Variants in LRIF1 observed in about 807,000 individuals in gnomAD.
LRIF1 encodes the protein ligand dependent nuclear receptor interacting factor 1, also known as ligand-dependent nuclear receptor-interacting factor 1.
LRIF1 carries 32 observed loss-of-function variants against 52.7 expected under a neutral mutation model. The observed-to-expected ratio is 0.61, with a 90% CI of 0.46 to 0.82. The LOEUF (loss-of-function observed/expected upper bound fraction) is 0.82, where lower values mean the gene tolerates loss of function less well. LRIF1 is among the 40% of genes least tolerant of loss of function. LRIF1 has a pLI of 0.00. For missense variants in LRIF1, 887 were observed against 892.0 expected, an observed-to-expected ratio of 0.99 and a Z score of 0.07; for synonymous variants, 323 against 317.4, an observed-to-expected ratio of 1.02 and a Z score of -0.19.
Position 110,963,887 on chromosome 1 carries a change from C to G in LRIF1, c.-199G>C, listed in dbSNP as rs950618516. 39 of 443,352 alleles carry G rather than the reference C, an allele frequency of 8.8e-5. No homozygotes were observed. Among genetic ancestry groups the G allele is most frequent in the East Asian group, 4.5e-4 (13 of 28,884 alleles). 27.5% of individuals were successfully genotyped at this position (443,352 alleles called of 1,614,324 possible). ...CAGGCTTCGGGACGAGGTCGCGCAC[C>G]GCGCAGAAACCGGAAGGCTCCTGGC... On this transcript the variant is annotated 5_prime_UTR_variant, in exon 1 of 4. Transcript: ENST00000369763.
the LRIF1 span, among the ~76,000 whole-genome samples, chr1:110,927,593 G>C: frequency 6.6e-6 from 1 of 152,098 alleles, no homozygotes; most frequent in Non-Finnish European, 1.5e-5. Context: ...AGATCCAGGG[G>C]ATGATGGAGT....
At chr1:110,947,176 CCAGA>C (rs946051072), downstream of LRIF1, 1 of 152,054 alleles carries the variant, frequency 6.6e-6, no homozygotes, top group Non-Finnish European at 1.5e-5. Flanking sequence ...CAAAGATTAA[CCAGA>C]CAGAGAAAAT....
chr1:110,923,651 G>A, the LRIF1 span, among the ~76,000 whole-genome samples: 1 of 152,116 alleles, frequency 6.6e-6, no homozygotes, highest in Non-Finnish European at 1.5e-5. Context: ...ATTAGAAAAT[G>A]TTTAAACTAA....
the LRIF1 span, among the ~76,000 whole-genome samples, chr1:110,900,812 T>C: frequency 4.7e-5 from 7 of 148,134 alleles, no homozygotes; most frequent in Admixed American, 3.4e-4. Context: ...CTGTAGCACA[T>C]AGAGATCACT....
chr1:110,888,881 AGG>A, the LRIF1 span, among the ~76,000 whole-genome samples: 2 of 152,176 alleles, frequency 1.3e-5, no homozygotes, highest in South Asian at 4.1e-4. Flanking sequence ...TAGCTGCTCA[AGG>A]GGACTACATT....
At chr1:110,901,632 A>C in the LRIF1 span, among the ~76,000 whole-genome samples, 380 of 151,822 alleles carry the variant, frequency 2.5e-3, 1 homozygote, top group African/African-American at 8.8e-3. Flanking sequence ...CACACCACCA[A>C]GCCTGGCTAA....
At chr1:110,897,935 T>A in the LRIF1 span, 1 of 1,107,512 alleles carries the variant, frequency 9.0e-7, no homozygotes, top group South Asian at 1.3e-5. Flanking sequence ...TTACATGAGT[T>A]AAGTCAGGTA....
chr1:110,894,553 G>GA, the LRIF1 span: 3 of 601,452 alleles, frequency 5.0e-6, no homozygotes, highest in Non-Finnish European at 5.8e-6. Context: ...GTAATTGGGG[G>GA]GAAAATTTGT....
intron 2 of LRIF1, among the ~76,000 whole-genome samples, chr1:110,950,649 G>A (rs1658431311): frequency 6.6e-6 from 1 of 151,872 alleles, no homozygotes; most frequent in Non-Finnish European, 1.5e-5. Flanking sequence ...CGAACATAAA[G>A]GTAACTATGT....
the LRIF1 span, among the ~76,000 whole-genome samples, chr1:110,908,549 A>C: frequency 2.0e-5 from 3 of 152,250 alleles, no homozygotes; most frequent in Admixed American, 6.5e-5. Context: ...AGAGAGAACC[A>C]AACTGAACTT....
At chr1:110,876,557 T>A in the LRIF1 span, among the ~76,000 whole-genome samples, 1 of 152,166 alleles carries the variant, frequency 6.6e-6, no homozygotes, top group African/African-American at 2.4e-5. Flanking sequence ...TAATGCCTCA[T>A]ATCTTTTAAA....
the LRIF1 span, among the ~76,000 whole-genome samples, chr1:110,894,740 C>G: frequency 1.3e-5 from 2 of 152,176 alleles, no homozygotes; most frequent in African/African-American, 2.4e-5. Context: ...AAAGCCAGAG[C>G]TCTAGAAGGA....
intron 1 of LRIF1, chr1:110,963,310 TGA>T (rs1184003741): frequency 1.5e-5 from 3 of 202,644 alleles, no homozygotes; most frequent in Non-Finnish European, 2.0e-5. Flanking sequence ...CCAGAAGGTT[TGA>T]GTCACATAAG....
chr1:110,951,242 T>C, intron 2 of LRIF1, 46 bp downstream of exon 2: 1 of 1,476,822 alleles, frequency 6.8e-7, no homozygotes, highest in East Asian at 2.3e-5. Flanking sequence ...AAACAAACTT[T>C]TCTATATAGA....
In LRIF1 at chr1:110,947,812, T is replaced by C. The variant is rs1008422509; in HGVS notation, c.*147A>G. The C allele has an allele frequency of 4.5e-6, 5 of 1,117,662 alleles. No individual in the cohort carries two copies. In the African/African-American group the frequency reaches 4.7e-5, roughly 11 times the overall value. 69.2% of individuals were successfully genotyped at this position (1,117,662 alleles called of 1,614,324 possible). A position where few individuals can be genotyped will look rare whatever the true frequency, so the allele number is the denominator to read the frequency against. On this transcript the variant is annotated 3_prime_UTR_variant, in exon 4 of 4. Transcript: ENST00000369763. ...ACAAGTCATATGTGAATCAACCTTT[T>C]CTGTATTCCTTAAAGTTGTACAATC...
At chr1:110,891,319 A>G in the LRIF1 span, 1 of 1,039,186 alleles carries the variant, frequency 9.6e-7, no homozygotes, top group Non-Finnish European at 1.5e-6. Context: ...GAGATCCCTG[A>G]ACATTTGTGC....
chr1:110,881,334 A>G, the LRIF1 span, among the ~76,000 whole-genome samples: 1 of 151,212 alleles, frequency 6.6e-6, no homozygotes, highest in East Asian at 2.0e-4. Context: ...CTAAAATGTT[A>G]TATAACTGGA....
the LRIF1 span, among the ~76,000 whole-genome samples, chr1:110,909,629 G>T: frequency 2.1e-5 from 3 of 141,754 alleles, no homozygotes; most frequent in Non-Finnish European, 4.5e-5. Context: ...TGCCCAGGCT[G>T]GAGTGCAGTG....
chr1:110,897,711 A>T, the LRIF1 span: 1 of 699,494 alleles, frequency 1.4e-6, no homozygotes, highest in Non-Finnish European at 2.5e-6. Flanking sequence ...TCTTTGTATT[A>T]CATAAAGCAA....
Sources: gnomAD v4.1 joint callset for allele counts (sites outside exome capture counted in the v4.1 genomes callset) on GRCh38, gnomAD v4.1.1 for gene constraint, MANE v1.5 for transcripts, NCBI Gene and HGNC (gene_info 2026-07-23, HGNC 2026-07-21) for gene names.